MDGA2: variants seen among roughly 807,000 people sequenced by gnomAD.
MDGA2 encodes the protein MAM domain containing glycosylphosphatidylinositol anchor 2.
A neutral mutation model predicts 117.8 loss-of-function variants in MDGA2; 40 were observed. The ratio of observed to expected loss-of-function variants is 0.34; its 90% CI spans 0.26 to 0.44. MDGA2 has a LOEUF of 0.44. Among genes scored for constraint, MDGA2 ranks in the 20% least tolerant of loss-of-function variants. The pLI, the probability that MDGA2 is intolerant of heterozygous loss-of-function variation, is 1.00. For missense variants in MDGA2, 1,123 were observed against 1,250.6 expected (o/e 0.90, Z 1.54); for synonymous variants, 452 against 439.0 (o/e 1.03, Z -0.37).
intron 1 of MDGA2, among the ~76,000 whole-genome samples, chr14:47,379,300 C>T (rs780313292): frequency 6.6e-6 from 1 of 152,174 alleles, no homozygotes; most frequent in African/African-American, 2.4e-5. Flanking sequence ...GAAGAAACTG[C>T]ATCAACTAAC....
chr14:47,230,664 C>T (rs1486615214), intron 2 of MDGA2, among the ~76,000 whole-genome samples: 1 of 151,932 alleles, frequency 6.6e-6, no homozygotes, highest in Non-Finnish European at 1.5e-5. Context: ...AACAACAACA[C>T]ATTATATGGG....
At chr14:47,350,508 T>C (rs1890854345) in intron 1 of MDGA2, among the ~76,000 whole-genome samples, 2 of 152,176 alleles carry the variant, frequency 1.3e-5, no homozygotes, top group South Asian at 2.1e-4. Flanking sequence ...ATTCTAAATA[T>C]ACAAAATACA....
intron 3 of MDGA2, among the ~76,000 whole-genome samples, chr14:47,207,638 G>A (rs562002439): frequency 5.3e-5 from 8 of 151,928 alleles, no homozygotes; most frequent in African/African-American, 1.7e-4. Context: ...AGAATACAGC[G>A]CTTAGGGAGG....
chr14:47,146,175 C>G (rs568254991), intron 3 of MDGA2, among the ~76,000 whole-genome samples: 1 of 152,024 alleles, frequency 6.6e-6, no homozygotes, highest in Non-Finnish European at 1.5e-5. Context: ...CTTAGAGAAT[C>G]AAAGTAAAGA....
At chr14:47,414,428 C>T (rs1461903528) in intron 1 of MDGA2, among the ~76,000 whole-genome samples, 1 of 151,890 alleles carries the variant, frequency 6.6e-6, no homozygotes, top group East Asian at 1.9e-4. Context: ...CTAGTATATG[C>T]CAAAGTGCTC....
chr14:47,018,120 T>C (rs1888148602), intron 8 of MDGA2, among the ~76,000 whole-genome samples: 1 of 149,850 alleles, frequency 6.7e-6, no homozygotes, highest in Non-Finnish European at 1.5e-5. Context: ...GGAAATATCA[T>C]AATTTTTTTT....
intron 4 of MDGA2, among the ~76,000 whole-genome samples, chr14:47,137,059 A>G (rs539173222): frequency 2.0e-5 from 3 of 152,318 alleles, no homozygotes; most frequent in Non-Finnish European, 2.9e-5. Flanking sequence ...TAAAGGATGC[A>G]TCCTTAAAAT....
chr14:46,953,001 A>G (rs1885422911), intron 9 of MDGA2, among the ~76,000 whole-genome samples: 1 of 151,936 alleles, frequency 6.6e-6, no homozygotes, highest in Non-Finnish European at 1.5e-5. Context: ...AATTTCAGAG[A>G]TCAGATAAAA....
At chr14:47,219,669 A>T (rs1184717887) in intron 2 of MDGA2, among the ~76,000 whole-genome samples, 4 of 152,136 alleles carry the variant, frequency 2.6e-5, no homozygotes, top group African/African-American at 7.2e-5. Flanking sequence ...ATTGGAAATG[A>T]TATAAATGCT....
At chr14:47,295,335 A>C (rs1274491105) in intron 2 of MDGA2, among the ~76,000 whole-genome samples, 1 of 152,206 alleles carries the variant, frequency 6.6e-6, no homozygotes, top group Non-Finnish European at 1.5e-5. Context: ...TACTGGTTAC[A>C]ATTAAATTGT....
intron 5 of MDGA2, among the ~76,000 whole-genome samples, chr14:47,099,503 T>A (rs1880176012): frequency 6.6e-6 from 1 of 152,010 alleles, no homozygotes; most frequent in Admixed American, 6.6e-5. Flanking sequence ...TATAGGTTAG[T>A]CATTCTCTTC....
At chr14:47,381,831 T>A (rs1279855125) in intron 1 of MDGA2, among the ~76,000 whole-genome samples, 1 of 152,182 alleles carries the variant, frequency 6.6e-6, no homozygotes, top group South Asian at 2.1e-4. Flanking sequence ...AAGCTACCAA[T>A]GACTTTCTTC....
chr14:47,379,945 A>T (rs555364495), intron 1 of MDGA2, among the ~76,000 whole-genome samples: 178 of 152,330 alleles, frequency 1.2e-3, no homozygotes, highest in Non-Finnish European at 2.1e-3. Flanking sequence ...CGTCGCACTT[A>T]TATCAAAATT....
At chr14:47,434,896 G>C (rs755404216) in intron 1 of MDGA2, among the ~76,000 whole-genome samples, 26 of 152,046 alleles carry the variant, frequency 1.7e-4, no homozygotes, top group Non-Finnish European at 3.1e-4. Context: ...AACACTTTGG[G>C]AGGTCAAGGT....
chr14:47,204,646 G>T (rs531025628), intron 3 of MDGA2, among the ~76,000 whole-genome samples: 3 of 151,924 alleles, frequency 2.0e-5, no homozygotes, highest in South Asian at 2.1e-4. Context: ...CTTCAAAAAG[G>T]TGTGCTCACT....
intron 9 of MDGA2, among the ~76,000 whole-genome samples, chr14:46,926,422 GA>G (rs5808368): frequency 0.33 from 48,917 of 146,594 alleles, 8,496 homozygotes; most frequent in African/African-American, 0.41. Context: ...GCACTGATTT[GA>G]AAAAAAAAAA....
chr14:47,315,263 T>A (rs1449006768), intron 1 of MDGA2, among the ~76,000 whole-genome samples: 1 of 152,178 alleles, frequency 6.6e-6, no homozygotes, highest in Non-Finnish European at 1.5e-5. Context: ...TATATTTTTC[T>A]CTGTGAACTT....
intron 14 of MDGA2, among the ~76,000 whole-genome samples, chr14:46,865,784 A>G (rs1728733874): frequency 6.6e-6 from 1 of 152,176 alleles, no homozygotes; most frequent in African/African-American, 2.4e-5. Flanking sequence ...GTGAACTCCC[A>G]TTCACAATTG....
chr14:47,642,749 C>T (rs980821131), intron 1 of MDGA2, among the ~76,000 whole-genome samples: 1 of 151,990 alleles, frequency 6.6e-6, no homozygotes, highest in Admixed American at 6.6e-5. Context: ...CTTCTGTTAA[C>T]TAAAAAAGGT....
Sources: allele counts gnomAD v4.1 joint callset (sites outside exome capture counted in the v4.1 genomes callset), GRCh38; gene constraint gnomAD v4.1.1; transcripts MANE v1.5; gene names NCBI Gene and HGNC (gene_info 2026-07-23, HGNC 2026-07-21).